SLC30A9: variants seen among roughly 807,000 people sequenced by gnomAD.
SLC30A9 encodes the protein solute carrier family 30 member 9.
Under a neutral mutation model 87.5 loss-of-function variants are expected in SLC30A9, and 58 were observed. That is an observed-to-expected ratio of 0.66 (90% CI 0.54 to 0.82). The LOEUF (loss-of-function observed/expected upper bound fraction) is 0.82, where lower values mean the gene tolerates loss of function less well. Ranked by LOEUF, SLC30A9 falls within the 40% of genes least tolerant of loss-of-function variation. The probability of loss-of-function intolerance (pLI) is 0.00; values close to 1 mark genes in which losing one functional copy is unlikely to be tolerated. For synonymous variants in SLC30A9, 234 were observed against 233.0 expected (o/e 1.00, Z -0.04); for missense variants, 557 against 679.1 (o/e 0.82, Z 2.00).
chr4:42,078,931 C>T (rs972545540), intron 17 of SLC30A9: 2 of 152,058 alleles, frequency 1.3e-5, no homozygotes, highest in African/African-American at 2.4e-5. Flanking sequence ...GAAGGCAGTG[C>T]TTTTTCTGCA....
chr4:42,028,142 G>A (rs533311130), intron 6 of SLC30A9, among the ~76,000 whole-genome samples: 2 of 152,034 alleles, frequency 1.3e-5, no homozygotes, highest in Non-Finnish European at 2.9e-5. Flanking sequence ...TTTTTGAGAC[G>A]GAGTCTCACT....
chr4:42,041,855 T>G lies in SLC30A9; in HGVS notation c.737+2802T>G, dbSNP rs144233600. On this transcript the variant is annotated intron_variant, in intron 8 of 17. Coordinates refer to ENST00000264451, the MANE Select transcript of SLC30A9 (RefSeq NM_006345.4). ...ATAACTTCTGCATTTCCAGCTGAGG[T>G]ACCTGGCTCATCTCATTGGGACTGG... Among the ~76,000 whole-genome samples the G allele has an allele frequency of 6.3e-3, 958 of 152,254 alleles. 4 individuals are homozygous for G. The highest frequency in any genetic ancestry group is 0.012 in the African/African-American group (515 of 41,550).
At chr4:42,076,956 C>A (rs1461747092) in intron 16 of SLC30A9, among the ~76,000 whole-genome samples, 1 of 65,562 alleles carries the variant, frequency 1.5e-5, no homozygotes, top group African/African-American at 5.9e-5. Flanking sequence ...AGCGAGACTC[C>A]GTCTCAAAAA....
intron 9 of SLC30A9, among the ~76,000 whole-genome samples, chr4:42,058,718 C>T (rs1028455266): frequency 6.6e-6 from 1 of 152,128 alleles, no homozygotes; most frequent in African/African-American, 2.4e-5. Flanking sequence ...AGAGCTTGTG[C>T]GGGGAAACTC....
chr4:42,039,500 G>A (rs1369626806), intron 8 of SLC30A9, among the ~76,000 whole-genome samples: 2 of 141,430 alleles, frequency 1.4e-5, no homozygotes, highest in East Asian at 2.1e-4. Flanking sequence ...GTCTTGCTCT[G>A]TCGCCAGGCT....
rs1207381674 is a variant in SLC30A9 at position 42,087,044 on chromosome 4, TG to T, written c.*919del. The T allele has an allele frequency of 6.6e-6, 1 of 152,226 alleles. No individual in the cohort carries two copies. The highest frequency in any genetic ancestry group is 1.5e-5 in the Non-Finnish European group (1 of 68,038). The allele number at this position is 152,226 out of a possible 1,614,324, so 9.4% of individuals were successfully genotyped here. ...TTTATTTAAAAGGCGGCACTACTTA[TG>T]TAAATCTGAGCTGTGGGATATTTCT... On this transcript the variant is annotated 3_prime_UTR_variant, in exon 18 of 18. Transcript: ENST00000264451.
At position 42,005,769 on chromosome 4, in the gene SLC30A9, G is replaced by A. The variant is rs532412644; in HGVS notation, c.274+3989G>A. 4.6e-5 allele frequency among the ~76,000 whole-genome samples: 7 copies of A among 152,202 alleles called. No homozygotes were observed. In the South Asian group the frequency reaches 1.5e-3, roughly 32 times the overall value. Reference sequence around the variant, plus strand: ...TGCATTTAAAAAGATTTTGCTTGGGGTACAATAAAAGGAAGCATTAAAGGA... The same window carrying A: ...TGCATTTAAAAAGATTTTGCTTGGGATACAATAAAAGGAAGCATTAAAGGA... On this transcript the variant is annotated intron_variant, in intron 2 of 17. Transcript: ENST00000264451.
chr4:42,021,917 ATTTTTTTTTTTTTTTT>A (rs1180421350), intron 4 of SLC30A9, among the ~76,000 whole-genome samples: 1 of 39,940 alleles, frequency 2.5e-5, no homozygotes. Context: ...CGCCTGGCTA[ATTTTTTTTTTTTTTTT>A]TTTTTTTTTT....
chr4:42,014,972 A>G (rs1715651601), intron 2 of SLC30A9, among the ~76,000 whole-genome samples: 1 of 152,190 alleles, frequency 6.6e-6, no homozygotes, highest in Non-Finnish European at 1.5e-5. Flanking sequence ...GATAGAATGA[A>G]TAAGAGCTAG....
chr4:42,009,282 TTA>T (rs1310818389), intron 2 of SLC30A9, among the ~76,000 whole-genome samples: 1 of 152,206 alleles, frequency 6.6e-6, no homozygotes, highest in African/African-American at 2.4e-5. Context: ...TTAGACCTTG[TTA>T]GCCATCAGAC....
chr4:42,012,700 ATT>A (rs1460839708), intron 2 of SLC30A9, among the ~76,000 whole-genome samples: 1 of 152,088 alleles, frequency 6.6e-6, no homozygotes, highest in Non-Finnish European at 1.5e-5. Flanking sequence ...ATCTTTTTCT[ATT>A]TTTTTAATCC....
intron 9 of SLC30A9, among the ~76,000 whole-genome samples, chr4:42,056,809 A>C (rs1482097666): frequency 1.3e-5 from 2 of 152,172 alleles, no homozygotes; most frequent in African/African-American, 4.8e-5. Context: ...CCTGGATACA[A>C]TGAGGGTACA....
At chr4:42,032,000 G>T (rs1016563657) in intron 6 of SLC30A9, among the ~76,000 whole-genome samples, 1 of 152,190 alleles carries the variant, frequency 6.6e-6, no homozygotes, top group South Asian at 2.1e-4. Flanking sequence ...AAGCATAGAA[G>T]CTTCTGGGGA....
intron 8 of SLC30A9, among the ~76,000 whole-genome samples, chr4:42,039,845 G>A (rs1182925394): frequency 6.6e-6 from 1 of 151,860 alleles, no homozygotes; most frequent in East Asian, 1.9e-4. Flanking sequence ...TCTATTTTAG[G>A]ATGGATGAAA....
At chr4:42,018,425 T>C in intron 3 of SLC30A9, 2 of 1,291,932 alleles carry the variant, frequency 1.5e-6, no homozygotes, top group Non-Finnish European at 2.0e-6. Context: ...GAATCATCAA[T>C]TGCATTATCA....
intron 6 of SLC30A9, among the ~76,000 whole-genome samples, chr4:42,034,348 T>C (rs1716589280): frequency 6.6e-6 from 1 of 152,228 alleles, no homozygotes; most frequent in Non-Finnish European, 1.5e-5. Context: ...TATATTCACA[T>C]TGTTGTGAAA....
rs897021485 is a variant in SLC30A9 at position 42,001,622 on chromosome 4, A to C, written c.116A>C (p.Gln39Pro). 8.2e-6 allele frequency: 13 copies of C among 1,578,838 alleles called. No individual in the cohort carries two copies. In the East Asian group the frequency reaches 2.9e-4, roughly 36 times the overall value. Residue 39 changes from glutamine (Q) to proline (P), a missense_variant, in exon 2 of 18, where the codon CAG (glutamine) becomes CCG (proline). Physicochemically the swap from Gln to Pro is moderately conservative, Grantham distance 76 (BLOSUM62 -1). This residue lies in a region of SLC30A9 where 467 missense variants were observed against 529.8 expected (regional missense o/e 0.88). Coordinates refer to ENST00000264451, the MANE Select transcript of SLC30A9 (RefSeq NM_006345.4). ...TATATATTTTTTCTTTTAGAGTGGC[A>C]GAATTTAGTGACATTTGGAAGCTTT... ...ACNPSDRQEW[Q>P]NLVTFGSFSN... is the part of the protein sequence containing the mutation.
intron 17 of SLC30A9, among the ~76,000 whole-genome samples, chr4:42,081,108 G>A (rs540738194): frequency 6.6e-6 from 1 of 152,164 alleles, no homozygotes; most frequent in South Asian, 2.1e-4. Flanking sequence ...TGAATAAACC[G>A]AGTTTGTTAA....
intron 6 of SLC30A9, among the ~76,000 whole-genome samples, chr4:42,027,670 G>A (rs1716253788): frequency 6.6e-6 from 1 of 152,086 alleles, no homozygotes; most frequent in South Asian, 2.1e-4. Flanking sequence ...AATCATCACA[G>A]TATTCCCAAC....
Sources: allele counts gnomAD v4.1 joint callset (sites outside exome capture counted in the v4.1 genomes callset), GRCh38; gene constraint gnomAD v4.1.1; regional missense constraint gnomAD v4.1.1; transcripts MANE v1.5; gene names NCBI Gene and HGNC (gene_info 2026-07-23, HGNC 2026-07-21).